CDH8: variants seen among roughly 807,000 people sequenced by gnomAD.
The protein encoded by CDH8 is cadherin 8, also known as cadherin-8.
In CDH8, 17 loss-of-function variants were observed where a neutral mutation model predicts 68.1. The ratio of observed to expected loss-of-function variants is 0.25; its 90% CI spans 0.17 to 0.37. The LOEUF is 0.37. Among genes scored for constraint, CDH8 ranks in the 10% least tolerant of loss-of-function variants. The probability of loss-of-function intolerance (pLI) is 1.00; values close to 1 mark genes in which losing one functional copy is unlikely to be tolerated. For synonymous variants in CDH8, 372 were observed against 365.1 expected, an observed-to-expected ratio of 1.02 and a Z score of -0.21; for missense variants, 763 against 999.3, an observed-to-expected ratio of 0.76 and a Z score of 3.19.
At chr16:61,732,171 G>A (rs1959556274) in intron 8 of CDH8, among the ~76,000 whole-genome samples, 1 of 151,552 alleles carries the variant, frequency 6.6e-6, no homozygotes, top group African/African-American at 2.4e-5. Context: ...AGAAGAAAAG[G>A]AGACAGAGAA....
At chr16:61,712,079 A>G (rs1326360297) in intron 10 of CDH8, among the ~76,000 whole-genome samples, 3 of 151,758 alleles carry the variant, frequency 2.0e-5, no homozygotes, top group Non-Finnish European at 4.4e-5. Flanking sequence ...AAAACAGATA[A>G]TCCACATGAC....
At chr16:61,843,219 G>A (rs1962726124) in intron 4 of CDH8, among the ~76,000 whole-genome samples, 1 of 152,118 alleles carries the variant, frequency 6.6e-6, no homozygotes, top group African/African-American at 2.4e-5. Context: ...TCAAGCCAAT[G>A]TCTTACGTTA....
intron 2 of CDH8, among the ~76,000 whole-genome samples, chr16:61,946,801 G>A (rs1964809419): frequency 6.6e-6 from 1 of 152,154 alleles, no homozygotes; most frequent in African/African-American, 2.4e-5. Flanking sequence ...TGCCTATCAA[G>A]CTATCTGTTG....
chr16:61,843,088 C>T (rs1335376065), intron 4 of CDH8, among the ~76,000 whole-genome samples: 1 of 152,098 alleles, frequency 6.6e-6, no homozygotes, highest in Non-Finnish European at 1.5e-5. Context: ...TCTGAACACA[C>T]AGCCTGGACC....
chr16:61,742,950 C>A (rs886383202), intron 8 of CDH8, among the ~76,000 whole-genome samples: 2 of 152,088 alleles, frequency 1.3e-5, no homozygotes, highest in African/African-American at 4.8e-5. Context: ...AAGTAATAGA[C>A]ATATTTTTCT....
chr16:61,926,648 G>A (rs573384348), intron 2 of CDH8, among the ~76,000 whole-genome samples: 2 of 152,336 alleles, frequency 1.3e-5, no homozygotes, highest in East Asian at 1.9e-4. Context: ...CAGGCAGAAT[G>A]CAGTGTGCTC....
At chr16:61,972,552 T>G (rs903407936) in intron 2 of CDH8, among the ~76,000 whole-genome samples, 15 of 140,284 alleles carry the variant, frequency 1.1e-4, no homozygotes, top group African/African-American at 3.7e-4. Context: ...TGTCTTTTTT[T>G]TTCTGGGAAC....
At chr16:61,856,499 T>G (rs889965737) in intron 4 of CDH8, among the ~76,000 whole-genome samples, 12 of 152,252 alleles carry the variant, frequency 7.9e-5, no homozygotes, top group South Asian at 4.1e-4. Flanking sequence ...ATAACTTACT[T>G]CATGGCTTAT....
intron 11 of CDH8, among the ~76,000 whole-genome samples, chr16:61,654,340 G>A (rs923979061): frequency 1.4e-4 from 22 of 152,140 alleles, no homozygotes; most frequent in African/African-American, 5.3e-4. Context: ...TAAAAGAATT[G>A]GCATGCATGT....
At chr16:61,761,541 C>A (rs79576371) in intron 8 of CDH8, among the ~76,000 whole-genome samples, 331 of 152,202 alleles carry the variant, frequency 2.2e-3, no homozygotes, top group Non-Finnish European at 3.7e-3. Flanking sequence ...AGAGTATAAA[C>A]CCTGTCTGAA....
intron 9 of CDH8, among the ~76,000 whole-genome samples, chr16:61,719,034 A>G (rs1002493349): frequency 2.6e-5 from 4 of 151,210 alleles, no homozygotes; most frequent in African/African-American, 9.7e-5. Flanking sequence ...TAATCAAAAT[A>G]TATTGTCTGG....
chr16:61,686,271 T>C (rs560654538), intron 10 of CDH8, among the ~76,000 whole-genome samples: 38 of 152,146 alleles, frequency 2.5e-4, no homozygotes, highest in African/African-American at 8.4e-4. Flanking sequence ...TCTATTTTCA[T>C]AGCAGCATGA....
At chr16:61,970,949 A>C (rs986240132) in intron 2 of CDH8, among the ~76,000 whole-genome samples, 1 of 152,294 alleles carries the variant, frequency 6.6e-6, no homozygotes, top group Admixed American at 6.5e-5. Context: ...TAACTGATCA[A>C]TGTACTTTGT....
At chr16:62,011,536 C>G (rs1901812829) in intron 2 of CDH8, among the ~76,000 whole-genome samples, 1 of 152,204 alleles carries the variant, frequency 6.6e-6, no homozygotes, top group Non-Finnish European at 1.5e-5. Context: ...AAAAGTGACT[C>G]TGGCTGGGTA....
chr16:61,729,801 G>A (rs1350556563), intron 8 of CDH8, among the ~76,000 whole-genome samples: 1 of 151,290 alleles, frequency 6.6e-6, no homozygotes, highest in Admixed American at 6.6e-5. Context: ...AATAATAGGG[G>A]CACAGTCTTA....
At chr16:61,905,894 T>TG (rs1484606762) in intron 2 of CDH8, among the ~76,000 whole-genome samples, 1 of 149,106 alleles carries the variant, frequency 6.7e-6, no homozygotes, top group Admixed American at 6.7e-5. Flanking sequence ...GACTCCGTCT[T>TG]GAAAAAAAAG....
In CDH8 at chr16:61,727,189, G is replaced by A. The variant is rs764252618; in HGVS notation, c.1441C>T (p.Pro481Ser). The A allele has an allele frequency of 1.2e-6, 2 of 1,609,328 alleles. No homozygotes were observed. Among genetic ancestry groups the A allele is most frequent in the Non-Finnish European group, 1.7e-6 (2 of 1,176,926 alleles). ...ACATCCAGCACTTTAATAGCAACAG[G>A]TACTCGTGATATCTGACTGTGGTTC... ...IRNHSQISRV[P>S]VAIKVLDVND... Residue 481 changes from proline to serine, a missense_variant, in exon 9 of 12, where the codon CCT becomes TCT. By Grantham distance (74) the Pro-to-Ser change is moderately conservative. Around this residue, in one of 2 missense-constraint regions of CDH8, gnomAD observed 397 missense variants for 436.2 expected, o/e 0.91. Coordinates refer to ENST00000577390, the MANE Select transcript of CDH8 (RefSeq NM_001796.5).
Position 61,817,643 on chromosome 16 carries a change from G to A in CDH8, c.1113C>T (p.Pro371=), listed in dbSNP as rs1308764811. Residue 371 remains proline, a synonymous_variant, in exon 7 of 12, where the codon CCC becomes CCT. Coordinates refer to ENST00000577390, the MANE Select transcript of CDH8 (RefSeq NM_001796.5). ...TTTTGACTGTCGCCGTGTCTTTAAA[G>A]GGCCCCCTGCCACTGAAGCGTGGGT... ...HIDPRFSGRG[P]FKDTATVKIV... 1.2e-6 allele frequency: 2 copies of A among 1,613,826 alleles called. No individual in the cohort carries two copies. The highest frequency in any genetic ancestry group is 2.7e-5 in the African/African-American group (2 of 74,992).
At chr16:61,679,809 A>G (rs1197691396) in intron 10 of CDH8, among the ~76,000 whole-genome samples, 1 of 151,928 alleles carries the variant, frequency 6.6e-6, no homozygotes, top group Admixed American at 6.6e-5. Flanking sequence ...CTCTAATTCT[A>G]CCCAAATGAC....
Sources: gnomAD v4.1 joint callset for allele counts (sites outside exome capture counted in the v4.1 genomes callset) on GRCh38, gnomAD v4.1.1 for gene constraint, gnomAD v4.1.1 regional missense constraint, MANE v1.5 for transcripts, NCBI Gene and HGNC (gene_info 2026-07-23, HGNC 2026-07-21) for gene names.